The following ZNF804A variants were observed in gnomAD, a reference collection of about 807,000 sequenced individuals.
The protein encoded by ZNF804A is zinc finger protein 804A.
A neutral mutation model predicts 16.5 loss-of-function variants in ZNF804A; 2 were observed. The observed-to-expected ratio is 0.12, with a 90% CI of 0.05 to 0.38. The LOEUF is 0.38. ZNF804A is among the 10% of genes least tolerant of loss of function. The pLI is 0.99. For missense variants in ZNF804A, 1,473 were observed against 1,390.7 expected (o/e 1.06, Z -0.94); for synonymous variants, 534 against 489.6 (o/e 1.09, Z -1.20).
intron 1 of ZNF804A, among the ~76,000 whole-genome samples, chr2:184,653,506 G>A (rs995450094): frequency 2.0e-5 from 3 of 152,204 alleles, no homozygotes; most frequent in Non-Finnish European, 4.4e-5. Flanking sequence ...TCATTAAAAA[G>A]CTTTAGAGCA....
chr2:184,639,068 CTTTTT>C (rs34389839), intron 1 of ZNF804A, among the ~76,000 whole-genome samples: 2 of 107,410 alleles, frequency 1.9e-5, no homozygotes, highest in Non-Finnish European at 3.7e-5. Context: ...AAGCCCCCTC[CTTTTT>C]TTTTTTTTTT....
chr2:184,731,292 A>G (rs1693515273), intron 1 of ZNF804A, among the ~76,000 whole-genome samples: 1 of 150,566 alleles, frequency 6.6e-6, no homozygotes, highest in Non-Finnish European at 1.5e-5. Context: ...GAAAAAAGAA[A>G]AAAAAGAAAC....
intron 1 of ZNF804A, among the ~76,000 whole-genome samples, chr2:184,863,695 G>A (rs1183163621): frequency 2.0e-5 from 3 of 152,260 alleles, no homozygotes; most frequent in East Asian, 1.9e-4. Flanking sequence ...TGTCCAGAGA[G>A]CTAATTCAGC....
In ZNF804A at chr2:184,936,598, C is replaced by T. The variant is rs1398576115; in HGVS notation, c.1202C>T (p.Pro401Leu). Reference protein sequence around the residue: ...ENKNGPETLAPSNTEEVNITI... With the variant: ...ENKNGPETLALSNTEEVNITI... ...AAAAATGGTCCCGAGACATTGGCCC[C>T]TTCAAATACTGAAGAGGTTAACATA... Residue 401 changes from proline (P) to leucine (L), a missense_variant, in exon 4 of 4, where the codon CCT becomes CTT. By Grantham distance (98) the Pro-to-Leu change is moderately conservative. Coordinates refer to ENST00000302277, the MANE Select transcript of ZNF804A (RefSeq NM_194250.2). 4.3e-6 allele frequency: 7 copies of T among 1,613,894 alleles called. No homozygotes were observed. The East Asian group carries it at 1.3e-4, about 31-fold the overall frequency.
chr2:184,790,101 A>G (rs1694510063), intron 1 of ZNF804A, among the ~76,000 whole-genome samples: 1 of 152,084 alleles, frequency 6.6e-6, no homozygotes, highest in South Asian at 2.1e-4. Context: ...TTAAGAAGCA[A>G]CATGTTTATT....
At chr2:184,745,284 A>C (rs991271561) in intron 1 of ZNF804A, among the ~76,000 whole-genome samples, 2 of 151,790 alleles carry the variant, frequency 1.3e-5, no homozygotes, top group African/African-American at 4.8e-5. Context: ...TTTTACAAAG[A>C]AAAAGGTAAC....
intron 2 of ZNF804A, among the ~76,000 whole-genome samples, chr2:184,902,760 G>C (rs1685207492): frequency 6.6e-6 from 1 of 151,996 alleles, no homozygotes; most frequent in African/African-American, 2.4e-5. Flanking sequence ...GACTGATGTT[G>C]TTTCTATTGT....
At chr2:184,783,517 A>C (rs903867381) in intron 1 of ZNF804A, among the ~76,000 whole-genome samples, 2 of 151,888 alleles carry the variant, frequency 1.3e-5, no homozygotes, top group Admixed American at 6.6e-5. Context: ...AGTTCTACAG[A>C]GGTATGTAAT....
chr2:184,825,374 A>G (rs1013422829), intron 1 of ZNF804A, among the ~76,000 whole-genome samples: 9 of 152,108 alleles, frequency 5.9e-5, no homozygotes, highest in Non-Finnish European at 1.2e-4. Context: ...CTTTTTTTGC[A>G]GGGCACAGAG....
Position 184,937,649 on chromosome 2 carries a change from T to G in ZNF804A, c.2253T>G (p.Asn751Lys). 6.2e-7 allele frequency: 1 copy of G among 1,614,008 alleles called. No homozygotes were observed. Among genetic ancestry groups the G allele is most frequent in the Non-Finnish European group, 8.5e-7 (1 of 1,179,970 alleles). ...ATGATATGAAACACATGAGTCAGAA[T>G]CAGGCTGTTAAAAGAGGTTACAATT... ...LQNDMKHMSQ[N>K]QAVKRGYNSV... is the part of the protein sequence containing the mutation. Residue 751 changes from asparagine (N) to lysine (K), a missense_variant, in exon 4 of 4, where the codon AAT (asparagine) becomes AAG (lysine). Physicochemically the swap from Asn to Lys is moderately conservative, Grantham distance 94. Coordinates refer to ENST00000302277, the MANE Select transcript of ZNF804A (RefSeq NM_194250.2).
At chr2:184,781,551 T>C (rs551023403) in intron 1 of ZNF804A, among the ~76,000 whole-genome samples, 28 of 151,906 alleles carry the variant, frequency 1.8e-4, no homozygotes, top group African/African-American at 6.5e-4. Context: ...GAAATATTCT[T>C]TTTTGGGAAA....
chr2:184,749,596 AG>A (rs1376153210), intron 1 of ZNF804A, among the ~76,000 whole-genome samples: 1 of 151,244 alleles, frequency 6.6e-6, no homozygotes, highest in African/African-American at 2.4e-5. Context: ...TACTCTGGCG[AG>A]GGATTCTACA....
Position 184,702,807 on chromosome 2 carries a change from T to C in ZNF804A, c.111+103737T>C, listed in dbSNP as rs574837602. Reference sequence around the variant, plus strand: ...TTTATGGAGTCACGTTTACATAGGTTAATTTGCCTCTGTATGTTATGTGTA... The same window carrying C: ...TTTATGGAGTCACGTTTACATAGGTCAATTTGCCTCTGTATGTTATGTGTA... On this transcript the variant is annotated intron_variant, in intron 1 of 3. Coordinates refer to ENST00000302277, the MANE Select transcript of ZNF804A (RefSeq NM_194250.2). Among the ~76,000 whole-genome samples the C allele has an allele frequency of 9.2e-5, 14 of 152,294 alleles. No homozygotes were observed. In the East Asian group the frequency reaches 2.7e-3, roughly 29 times the overall value.
intron 1 of ZNF804A, among the ~76,000 whole-genome samples, chr2:184,710,162 GAC>G (rs903498338): frequency 7.3e-5 from 11 of 151,248 alleles, no homozygotes; most frequent in Middle Eastern, 3.4e-3. Flanking sequence ...AGGTATAATT[GAC>G]ACACAGTAAA....
rs533599127 is a variant in ZNF804A, at chr2:184,634,180, T to A, written c.111+35110T>A. Among the ~76,000 whole-genome samples, 18 of 152,376 alleles carry A rather than the reference T, an allele frequency of 1.2e-4. No homozygotes were observed. The East Asian group carries it at 3.5e-3, about 29-fold the overall frequency. On this transcript the variant is annotated intron_variant, in intron 1 of 3. Transcript: ENST00000302277. ...CACATAGATCAATGCAATGTTACAA[T>A]ATGTCAAAACTTTTTTTCATTATTC...
chr2:184,932,281 T>G (rs10195374), intron 2 of ZNF804A, among the ~76,000 whole-genome samples: 6,504 of 152,194 alleles, frequency 0.043, 444 homozygotes, highest in African/African-American at 0.15. Flanking sequence ...TTAGTTCTCA[T>G]GCTGCCAGTA....
At chr2:184,897,378 T>A (rs1052735697) in intron 2 of ZNF804A, among the ~76,000 whole-genome samples, 1 of 151,256 alleles carries the variant, frequency 6.6e-6, no homozygotes. Context: ...TAGTTACTGT[T>A]TTTTTTCCCC....
At position 184,604,146 on chromosome 2, in the gene ZNF804A, C is replaced by CTTTTTT. The variant is rs759053144; in HGVS notation, c.111+5112_111+5117dup. ...TTCAGGTTATGGATGACTGCAATTA[C>CTTTTTT]TTTTTTTTTTTTTTTTTTTTTTTTT... On this transcript the variant is annotated intron_variant, in intron 1 of 3. Transcript: ENST00000302277. Among the ~76,000 whole-genome samples the CTTTTTT allele has an allele frequency of 5.4e-3, 241 of 44,878 alleles. 78 individuals are homozygous for CTTTTTT. The highest frequency in any genetic ancestry group is 1.0e-2 in the South Asian group (7 of 702). 29.4% of individuals were successfully genotyped at this position (44,878 alleles called of 152,430 possible).
intron 2 of ZNF804A, among the ~76,000 whole-genome samples, chr2:184,921,569 A>C (rs1032263452): frequency 5.9e-5 from 9 of 152,204 alleles, no homozygotes; most frequent in African/African-American, 2.2e-4. Context: ...CATGCAATGC[A>C]TAAGAATTAC....
Sources: gnomAD v4.1 joint callset for allele counts (sites outside exome capture counted in the v4.1 genomes callset) on GRCh38, gnomAD v4.1.1 for gene constraint, MANE v1.5 for transcripts, NCBI Gene and HGNC (gene_info 2026-07-23, HGNC 2026-07-21) for gene names.